COPB1: variants seen among roughly 807,000 people sequenced by gnomAD.
COPB1 encodes the protein coatomer subunit beta.
Under a neutral mutation model 108.7 loss-of-function variants are expected in COPB1, and 21 were observed. That is an observed-to-expected ratio of 0.19 (90% CI 0.14 to 0.28). COPB1 has a LOEUF of 0.28. Ranked by LOEUF, COPB1 falls within the 10% of genes least tolerant of loss-of-function variation. The probability of loss-of-function intolerance (pLI) is 1.00; values close to 1 mark genes in which losing one functional copy is unlikely to be tolerated. For missense variants in COPB1, 919 were observed against 1,141.3 expected (o/e 0.81, Z 2.81); for synonymous variants, 378 against 386.8 (o/e 0.98, Z 0.27).
chr11:14,487,711 A>G (rs909474001), intron 6 of COPB1, among the ~76,000 whole-genome samples: 1 of 152,014 alleles, frequency 6.6e-6, no homozygotes, highest in African/African-American at 2.4e-5. Flanking sequence ...AACAAAAAAA[A>G]ACTGTACAGT....
intron 1 of COPB1, 35 bp from the exon 2 acceptor site, chr11:14,499,020 T>TAAAA: frequency 3.7e-6 from 3 of 804,848 alleles, no homozygotes; most frequent in East Asian, 3.2e-5. Context: ...CATTACAAAT[T>TAAAA]AAAAAAAAAA....
chr11:14,486,608 T>C (rs993568529), intron 6 of COPB1, 104 bp from the exon 7 acceptor site: 50 of 1,395,234 alleles, frequency 3.6e-5, no homozygotes, highest in Non-Finnish European at 4.6e-5. Flanking sequence ...TTTCTCAATA[T>C]GAAAGCTAAG....
intron 5 of COPB1, among the ~76,000 whole-genome samples, chr11:14,490,326 G>A (rs1214222068): frequency 6.6e-6 from 1 of 152,062 alleles, no homozygotes; most frequent in East Asian, 1.9e-4. Context: ...AAAACTGTAG[G>A]GTGGCTGCTC....
chr11:14,497,108 A>G (rs1165642330), intron 2 of COPB1, among the ~76,000 whole-genome samples: 1 of 152,216 alleles, frequency 6.6e-6, no homozygotes, highest in African/African-American at 2.4e-5. Context: ...ATTGGGAAAA[A>G]TCTCCAGGAC....
chr11:14,482,750 G>A lies in COPB1; in HGVS notation c.957+282C>T, dbSNP rs377348524. On this transcript the variant is annotated intron_variant, in intron 8 of 21. Transcript: ENST00000439561. ...AGGGTTTTACCATGTTGGCCAGGCT[G>A]GTCTCAAACTCCTGACCTCAGATGA... Among the ~76,000 whole-genome samples, 25 of 152,200 alleles carry A rather than the reference G, an allele frequency of 1.6e-4. No individual in the cohort carries two copies. The South Asian group carries it at 5.0e-3, about 30-fold the overall frequency.
chr11:14,479,771 T>C, intron 10 of COPB1, 57 bp from the exon 11 acceptor site: 5 of 1,437,254 alleles, frequency 3.5e-6, no homozygotes, highest in Non-Finnish European at 4.7e-6. Flanking sequence ...AAGAAAATTA[T>C]CTAGGACAAG....
chr11:14,487,483 T>C (rs1489072752), intron 6 of COPB1, among the ~76,000 whole-genome samples: 1 of 152,100 alleles, frequency 6.6e-6, no homozygotes, highest in Admixed American at 6.6e-5. Context: ...GGGACCAGCC[T>C]GGCCAACATG....
chr11:14,471,899 G>T (rs904631370), intron 14 of COPB1, among the ~76,000 whole-genome samples: 1 of 152,206 alleles, frequency 6.6e-6, no homozygotes, highest in African/African-American at 2.4e-5. Context: ...TCCGGCCTGG[G>T]CAAGAAGAGT....
chr11:14,465,605 A>G (rs1394220955), intron 17 of COPB1, among the ~76,000 whole-genome samples: 1 of 152,212 alleles, frequency 6.6e-6, no homozygotes, highest in Non-Finnish European at 1.5e-5. Flanking sequence ...ATGAAGAAAG[A>G]TAAAACAATC....
At chr11:14,496,265 T>A (rs532990461) in intron 2 of COPB1, among the ~76,000 whole-genome samples, 4 of 150,780 alleles carry the variant, frequency 2.7e-5, no homozygotes, top group East Asian at 1.9e-4. Flanking sequence ...TAATTATAAA[T>A]TTTTTTTTTC....
chr11:14,478,130 A>G (rs1850570357), intron 11 of COPB1, among the ~76,000 whole-genome samples: 1 of 152,206 alleles, frequency 6.6e-6, no homozygotes, highest in South Asian at 2.1e-4. Context: ...CACAAAGATT[A>G]AAAGTAAAAT....
chr11:14,462,851 T>C (rs868138959), intron 18 of COPB1, among the ~76,000 whole-genome samples: 27 of 152,294 alleles, frequency 1.8e-4, no homozygotes, highest in Admixed American at 9.8e-4. Context: ...CTCGAGGTTC[T>C]CTTATTTTCA....
At chr11:14,468,091 A>C (rs1850322434) in intron 16 of COPB1, among the ~76,000 whole-genome samples, 1 of 152,204 alleles carries the variant, frequency 6.6e-6, no homozygotes, top group Non-Finnish European at 1.5e-5. Context: ...TATAAATGTA[A>C]TATTATTGAT....
intron 2 of COPB1, among the ~76,000 whole-genome samples, chr11:14,497,006 T>C (rs1488622444): frequency 1.3e-5 from 2 of 152,092 alleles, no homozygotes; most frequent in African/African-American, 4.8e-5. Flanking sequence ...ATGAAACTTG[T>C]CCCCCATCTC....
In COPB1 at chr11:14,469,566, A is replaced by G; in HGVS notation, c.1738-3T>C. 3 of 1,609,830 alleles carry G rather than the reference A, an allele frequency of 1.9e-6. No homozygotes were observed. The highest frequency in any genetic ancestry group is 2.6e-6 in the Non-Finnish European group (3 of 1,176,228). On this transcript the variant is annotated splice_region_variant and splice_polypyrimidine_tract_variant and intron_variant, in intron 14 of 21. Transcript: ENST00000439561. ...AACATAGCCTCAGCAACAAAAGACT[A>G]AGAAAGTAAAGAAATCGGTTACTGA...
intron 20 of COPB1, 157 bp downstream of exon 20, chr11:14,460,051 G>A: frequency 1.8e-6 from 1 of 557,256 alleles, no homozygotes; most frequent in Non-Finnish European, 3.2e-6. Context: ...ATAGAAAGAG[G>A]TAAGCAGATT....
Position 14,482,080 on chromosome 11 carries a change from C to T in COPB1, c.957+952G>A, listed in dbSNP as rs562056743. Among the ~76,000 whole-genome samples the T allele has an allele frequency of 1.4e-3, 209 of 152,170 alleles. 2 individuals are homozygous for T. Among genetic ancestry groups the T allele is most frequent in the Non-Finnish European group, 2.1e-3 (143 of 68,008 alleles). ...GTGCTGCGATTTTAGGCATGAGCCA[C>T]CACACCTGGCCCACATTTGCTCTTT... On this transcript the variant is annotated intron_variant, in intron 8 of 21. Transcript: ENST00000439561.
chr11:14,468,597 A>T (rs1850333940), intron 16 of COPB1, 84 bp downstream of exon 16: 1 of 1,331,820 alleles, frequency 7.5e-7, no homozygotes, highest in African/African-American at 1.5e-5. Context: ...CAAAATAGTT[A>T]TCTTTCTTTT....
chr11:14,483,826 T>A (rs1434243215), intron 7 of COPB1, among the ~76,000 whole-genome samples: 1 of 152,116 alleles, frequency 6.6e-6, no homozygotes, highest in Non-Finnish European at 1.5e-5. Flanking sequence ...GCAATAATTG[T>A]AAGAAAATCC....
Sources: gnomAD v4.1 joint callset for allele counts (sites outside exome capture counted in the v4.1 genomes callset) on GRCh38, gnomAD v4.1.1 for gene constraint, MANE v1.5 for transcripts, NCBI Gene and HGNC (gene_info 2026-07-23, HGNC 2026-07-21) for gene names.